The following USP22 variants were observed in gnomAD, a reference collection of about 807,000 sequenced individuals.
USP22 encodes ubiquitin carboxyl-terminal hydrolase 22.
USP22 carries 22 observed loss-of-function variants against 68.1 expected under a neutral mutation model. The ratio of observed to expected loss-of-function variants is 0.32; its 90% CI spans 0.23 to 0.46. USP22 has a LOEUF of 0.46. USP22 is among the 20% of genes least tolerant of loss of function. The probability of loss-of-function intolerance (pLI) is 1.00; values close to 1 mark genes in which losing one functional copy is unlikely to be tolerated. For missense variants in USP22, 433 were observed against 695.8 expected (o/e 0.62, Z 4.25); for synonymous variants, 279 against 274.2 (o/e 1.02, Z -0.17).
At chr17:21,033,165 C>T (rs1363662106) in intron 1 of USP22, among the ~76,000 whole-genome samples, 1 of 152,108 alleles carries the variant, frequency 6.6e-6, no homozygotes, top group African/African-American at 2.4e-5. Flanking sequence ...CAGGATTCCC[C>T]AGGCTGGCGG....
At chr17:21,012,057 G>A (rs1913988220) in intron 7 of USP22, among the ~76,000 whole-genome samples, 1 of 152,174 alleles carries the variant, frequency 6.6e-6, no homozygotes, top group Non-Finnish European at 1.5e-5. Flanking sequence ...ATGCAGTTTA[G>A]AAGTGACAGT....
At chr17:21,025,617 C>T (rs1280588194) in intron 2 of USP22, among the ~76,000 whole-genome samples, 2 of 152,140 alleles carry the variant, frequency 1.3e-5, no homozygotes, top group African/African-American at 4.8e-5. Flanking sequence ...AGCAGATGAA[C>T]GGATGAAGAA....
rs754719932 is a variant in USP22 at position 21,007,946 on chromosome 17, C to G, written c.1154G>C (p.Gly385Ala). The change falls in exon 9 of 13, where the codon GGT becomes GCT. Residue 385 changes from glycine (G) to alanine (A), a missense_variant. Transcript: ENST00000261497. ...TGTGGACTCCTGGTAGCTATGGCAA[C>G]CGCTGCACTTGATCTTGGCGCTGCT... ...LGSSAKIKCS[G>A]CHSYQESTKQ... 13 of 1,614,138 alleles carry G rather than the reference C, an allele frequency of 8.1e-6. No individual in the cohort carries two copies. The highest frequency in any genetic ancestry group is 1.1e-5 in the South Asian group (1 of 91,076).
intron 4 of USP22, 174 bp from the exon 5 acceptor site, chr17:21,018,285 G>T: frequency 1.7e-6 from 1 of 586,662 alleles, no homozygotes; most frequent in Non-Finnish European, 2.9e-6. Context: ...TTACATGAAC[G>T]GTATTGAAGA....
intron 8 of USP22, among the ~76,000 whole-genome samples, chr17:21,008,892 A>G (rs886630623): frequency 6.6e-6 from 1 of 152,038 alleles, no homozygotes; most frequent in Non-Finnish European, 1.5e-5. Flanking sequence ...GAAGTTCAAG[A>G]CCAACCTGAC....
chr17:21,035,715 T>G (rs775011580), intron 1 of USP22, among the ~76,000 whole-genome samples: 18 of 152,208 alleles, frequency 1.2e-4, no homozygotes, highest in Non-Finnish European at 2.6e-4. Context: ...AGCCACATGA[T>G]AAATACCATT....
intron 6 of USP22, among the ~76,000 whole-genome samples, chr17:21,015,237 T>C (rs1157126377): frequency 6.6e-6 from 1 of 152,176 alleles, no homozygotes; most frequent in Non-Finnish European, 1.5e-5. Flanking sequence ...TGTGGGACTA[T>C]GTTGGGGGAG....
At chr17:21,043,392 A>G (rs1382627897), upstream of USP22, 8 of 282,946 alleles carry the variant, frequency 2.8e-5, 1 homozygote, top group East Asian at 2.5e-4. Context: ...CCTGGCGGCT[A>G]GACGTTCCCT....
chr17:21,041,160 G>A (rs941726924), intron 1 of USP22, among the ~76,000 whole-genome samples: 1 of 151,966 alleles, frequency 6.6e-6, no homozygotes, highest in African/African-American at 2.4e-5. Context: ...TGGGATTACA[G>A]GCGTCAGCCA....
At chr17:21,043,126 C>G (rs1469046749), upstream of USP22, 2 of 57,120 alleles carry the variant, frequency 3.5e-5, no homozygotes, top group East Asian at 2.9e-4. Flanking sequence ...TTACGTCACC[C>G]CCCCCCCCCC....
chr17:21,035,421 T>C (rs1204591369), intron 1 of USP22, among the ~76,000 whole-genome samples: 3 of 152,040 alleles, frequency 2.0e-5, no homozygotes, highest in Non-Finnish European at 4.4e-5. Context: ...TACCTAAGCT[T>C]CCATCCGCTT....
intron 11 of USP22, 54 bp downstream of exon 11, chr17:21,004,874 C>T: frequency 6.2e-7 from 1 of 1,601,454 alleles, no homozygotes; most frequent in African/African-American, 1.3e-5. Flanking sequence ...CAGGAGCCCA[C>T]CCCCAGCTCT....
chr17:21,039,146 T>C (rs1567594775), intron 1 of USP22, among the ~76,000 whole-genome samples: 1 of 151,608 alleles, frequency 6.6e-6, no homozygotes, highest in Non-Finnish European at 1.5e-5. Flanking sequence ...AAAGACATGG[T>C]TTCACCGTGT....
intron 1 of USP22, among the ~76,000 whole-genome samples, chr17:21,029,302 G>A (rs1972260092): frequency 6.6e-6 from 1 of 152,158 alleles, no homozygotes; most frequent in African/African-American, 2.4e-5. Context: ...GCCGCCACTG[G>A]CAATAGTTGC....
At chr17:21,019,965 AT>A (rs1355457635) in intron 3 of USP22, among the ~76,000 whole-genome samples, 2 of 152,226 alleles carry the variant, frequency 1.3e-5, no homozygotes, top group Admixed American at 6.5e-5. Context: ...CAAGTCAGAG[AT>A]TGCTCTCCAG....
chr17:21,019,241 T>C, intron 3 of USP22, 56 bp from the exon 4 acceptor site: 3 of 1,546,712 alleles, frequency 1.9e-6, no homozygotes. Flanking sequence ...ACATCAAGTG[T>C]GTTTACACAT....
At chr17:21,008,669 T>C (rs1352551490) in intron 8 of USP22, among the ~76,000 whole-genome samples, 1 of 152,190 alleles carries the variant, frequency 6.6e-6, no homozygotes, top group Admixed American at 6.5e-5. Flanking sequence ...GTCTGAATCC[T>C]GGCCAGGGCG....
At chr17:21,005,114 T>C in intron 10 of USP22, 124 bp from the exon 11 acceptor site, 2 of 1,086,246 alleles carry the variant, frequency 1.8e-6, no homozygotes. Flanking sequence ...GTGCACTTTA[T>C]GCTTCAGGCA....
At chr17:21,006,450 T>G (rs939365621) in intron 10 of USP22, 1 of 151,870 alleles carries the variant, frequency 6.6e-6, no homozygotes, top group African/African-American at 2.4e-5. Flanking sequence ...GTGCTGTATC[T>G]TAAGATCAGG....
Sources: allele counts gnomAD v4.1 joint callset (sites outside exome capture counted in the v4.1 genomes callset), GRCh38; gene constraint gnomAD v4.1.1; transcripts MANE v1.5; gene names NCBI Gene and HGNC (gene_info 2026-07-23, HGNC 2026-07-21).